Variants in SYBU observed in about 807,000 individuals in gnomAD.
The protein encoded by SYBU is GOLSYN A protein.
SYBU carries 21 observed loss-of-function variants against 35.9 expected under a neutral mutation model. The observed-to-expected ratio is 0.58, with a 90% CI of 0.41 to 0.84. The LOEUF (loss-of-function observed/expected upper bound fraction) is 0.84, where lower values mean the gene tolerates loss of function less well. Ranked by LOEUF, SYBU falls within the 40% of genes least tolerant of loss-of-function variation. The probability of loss-of-function intolerance (pLI) is 0.00; values close to 1 mark genes in which losing one functional copy is unlikely to be tolerated. For synonymous variants in SYBU, 319 were observed against 324.3 expected (o/e 0.98, Z 0.18); for missense variants, 768 against 848.2 (o/e 0.91, Z 1.17).
chr8:109,627,495 T>C (rs1175287100), intron 2 of SYBU, among the ~76,000 whole-genome samples: 1 of 152,214 alleles, frequency 6.6e-6, no homozygotes, highest in African/African-American at 2.4e-5. Flanking sequence ...GCAAACACAT[T>C]AATTATTATC....
intron 3 of SYBU, among the ~76,000 whole-genome samples, chr8:109,615,984 T>G (rs1056237635): frequency 8.9e-6 from 1 of 112,260 alleles, no homozygotes; most frequent in African/African-American, 3.6e-5. Flanking sequence ...TTCCCTGTAA[T>G]TTCTTTTCTT....
intron 3 of SYBU, among the ~76,000 whole-genome samples, chr8:109,613,043 TA>T (rs892588373): frequency 6.6e-6 from 1 of 150,430 alleles, no homozygotes; most frequent in Non-Finnish European, 1.5e-5. Flanking sequence ...AAGCACCACC[TA>T]GCTTTTTAGT....
intron 3 of SYBU, among the ~76,000 whole-genome samples, chr8:109,594,536 A>T (rs577335608): frequency 2.2e-4 from 33 of 152,116 alleles, no homozygotes; most frequent in Non-Finnish European, 4.3e-4. Flanking sequence ...GTACTTAAAC[A>T]TGGCTTTTCT....
chr8:109,577,544 T>G (rs1822477286), intron 6 of SYBU, among the ~76,000 whole-genome samples: 1 of 152,138 alleles, frequency 6.6e-6, no homozygotes, highest in Non-Finnish European at 1.5e-5. Flanking sequence ...CCCGCACGTG[T>G]TTTTGCCATT....
intron 2 of SYBU, among the ~76,000 whole-genome samples, chr8:109,622,918 T>C (rs899617567): frequency 6.6e-6 from 1 of 152,164 alleles, no homozygotes; most frequent in Non-Finnish European, 1.5e-5. Flanking sequence ...ATGAACATTT[T>C]AGTCTGGTTT....
Position 109,642,863 on chromosome 8 carries a change from G to A in SYBU, c.94C>T (p.Pro32Ser), listed in dbSNP as rs777515549. ...RSRIPRLILR[P>S]HMPQQQHKVS... ...TTGTGCTGTTGTTGGGGCATATGGG[G>A]CCGAAGAATCAACCGGGGAATTCGG... The change falls in exon 2 of 7, where the codon CCC (proline) becomes TCC (serine). Residue 32 changes from proline to serine, a missense_variant. By Grantham distance (74) the Pro-to-Ser change is moderately conservative. Coordinates refer to ENST00000276646, the MANE Select transcript of SYBU (RefSeq NM_001099754.2). The A allele has an allele frequency of 1.2e-6, 2 of 1,606,224 alleles. No individual in the cohort carries two copies. Among genetic ancestry groups the A allele is most frequent in the Non-Finnish European group, 1.7e-6 (2 of 1,175,864 alleles).
intron 4 of SYBU, among the ~76,000 whole-genome samples, chr8:109,581,769 T>G (rs1432064378): frequency 6.6e-6 from 1 of 152,256 alleles, no homozygotes; most frequent in Non-Finnish European, 1.5e-5. Context: ...TGATCACTTA[T>G]TTACAATCAA....
intron 3 of SYBU, among the ~76,000 whole-genome samples, chr8:109,615,576 T>G (rs775902588): frequency 2.6e-5 from 4 of 152,120 alleles, no homozygotes; most frequent in African/African-American, 9.7e-5. Flanking sequence ...ACGTTTCCAG[T>G]GATGACATTA....
chr8:109,586,943 C>G (rs567471901), intron 3 of SYBU, among the ~76,000 whole-genome samples: 3 of 152,138 alleles, frequency 2.0e-5, no homozygotes, highest in African/African-American at 7.2e-5. Flanking sequence ...TATATAAATT[C>G]ATTCTAACAA....
chr8:109,606,315 G>A (rs1826062402), intron 3 of SYBU, among the ~76,000 whole-genome samples: 1 of 152,156 alleles, frequency 6.6e-6, no homozygotes, highest in Non-Finnish European at 1.5e-5. Context: ...CAATACAATA[G>A]AAGTTAATTT....
chr8:109,618,912 T>C lies in SYBU; in HGVS notation c.357A>G (p.Gly119=). Residue 119 remains glycine (G), a synonymous_variant, in exon 3 of 7, where the codon GGA becomes GGG. Transcript: ENST00000276646. The part of the protein sequence containing the change: ...EGFTRKKCTI[G]MVGEGSIQSS... ...ACTGAATGCTTCCTTCACCAACCAT[T>C]CCAATCGTGCATTTCTTTCTGGTGA... The C allele has an allele frequency of 6.2e-7, 1 of 1,614,200 alleles. No homozygotes were observed. The highest frequency in any genetic ancestry group is 8.5e-7 in the Non-Finnish European group (1 of 1,180,032).
intron 1 of SYBU, among the ~76,000 whole-genome samples, chr8:109,657,108 T>TC (rs1167241854): frequency 1.3e-5 from 2 of 152,178 alleles, no homozygotes; most frequent in Non-Finnish European, 2.9e-5. Context: ...TCTCTTTTTT[T>TC]CTCCCTTGGT....
chr8:109,670,325 G>A (rs1438873739), intron 1 of SYBU, among the ~76,000 whole-genome samples: 3 of 150,108 alleles, frequency 2.0e-5, no homozygotes, highest in South Asian at 2.1e-4. Context: ...GTATACATGC[G>A]CCATGTTGGT....
rs772969937 is a variant in SYBU at position 109,575,238 on chromosome 8, A to G, written c.1660T>C (p.Leu554=). ...GCGTAGGGGGTCTCCACGGGAGACA[A>G]AAGGATGGCTGAGTTTGGATTTCTT... The part of the protein sequence containing the change: ...TPRNPNSAIL[L]SPVETPYANV... Residue 554 remains leucine, a synonymous_variant, in exon 7 of 7, where the codon TTG becomes CTG. Coordinates refer to ENST00000276646, the MANE Select transcript of SYBU (RefSeq NM_001099754.2). The G allele has an allele frequency of 1.9e-6, 3 of 1,614,096 alleles. No individual in the cohort carries two copies. Among genetic ancestry groups the G allele is most frequent in the East Asian group, 2.2e-5 (1 of 44,898 alleles).
chr8:109,691,457 C>T lies in SYBU; in HGVS notation c.-182G>A. 1 of 618,878 alleles carries T rather than the reference C, an allele frequency of 1.6e-6. No individual in the cohort carries two copies. Among genetic ancestry groups the T allele is most frequent in the Non-Finnish European group, 2.8e-6 (1 of 351,332 alleles). The allele number at this position is 618,878 out of a possible 1,614,324, so 38.3% of individuals were successfully genotyped here. On this transcript the variant is annotated 5_prime_UTR_variant, in exon 1 of 8. Transcript: ENST00000422135. The surrounding 1 kb of genome is among the most constrained non-coding windows in gnomAD (Gnocchi z 4.7). ...GGGACCCCGCGTCGCTGCTGGTTTG[C>T]GCTCAGGCCCGGGGAGCCGGGCCCG...
intron 1 of SYBU, among the ~76,000 whole-genome samples, chr8:109,664,596 G>C (rs1297023693): frequency 6.6e-6 from 1 of 152,136 alleles, no homozygotes; most frequent in Non-Finnish European, 1.5e-5. Context: ...TTTGAGAAAA[G>C]CAGGTGTTGT....
Position 109,618,879 on chromosome 8 carries a change from T to C in SYBU, c.390A>G (p.Arg130=), listed in dbSNP as rs376991253. 71 of 1,614,056 alleles carry C rather than the reference T, an allele frequency of 4.4e-5. No individual in the cohort carries two copies. In the African/African-American group the frequency reaches 9.2e-4, roughly 21 times the overall value. The part of the protein sequence containing the change: ...MVGEGSIQSS[R]YKKESKSGLV... ...GGCCTGACTTTGATTCCTTCTTATA[T>C]CGAGAGGACTGAATGCTTCCTTCAC... Residue 130 remains arginine, a synonymous_variant, in exon 3 of 7, where the codon CGA becomes CGG. Coordinates refer to ENST00000276646, the MANE Select transcript of SYBU (RefSeq NM_001099754.2).
intron 1 of SYBU, among the ~76,000 whole-genome samples, chr8:109,659,754 G>A (rs1816493489): frequency 6.6e-6 from 1 of 152,070 alleles, no homozygotes; most frequent in South Asian, 2.1e-4. Context: ...GTCTTTTGCA[G>A]TTTTCTGTAA....
chr8:109,617,556 T>C (rs1183528542), intron 3 of SYBU, among the ~76,000 whole-genome samples: 2 of 152,190 alleles, frequency 1.3e-5, no homozygotes, highest in Non-Finnish European at 2.9e-5. Flanking sequence ...AAGGTAATTG[T>C]TTTATTTCTT....
Sources: gnomAD v4.1 joint callset for allele counts (sites outside exome capture counted in the v4.1 genomes callset) on GRCh38, gnomAD v4.1.1 for gene constraint, Gnocchi (gnomAD v3.1) non-coding constraint, MANE v1.5 for transcripts, NCBI Gene and HGNC (gene_info 2026-07-23, HGNC 2026-07-21) for gene names.